The following PAX3 variants were observed in gnomAD, a reference collection of about 807,000 sequenced individuals.
PAX3 encodes paired box 3.
A neutral mutation model predicts 51.6 loss-of-function variants in PAX3; 14 were observed. The ratio of observed to expected loss-of-function variants is 0.27; its 90% confidence interval spans 0.18 to 0.42. The LOEUF (loss-of-function observed/expected upper bound fraction) is 0.42. Ranked by LOEUF, PAX3 falls within the 10% of genes least tolerant of loss-of-function variation. PAX3 has a pLI of 1.00. For synonymous variants in PAX3, 280 were observed against 253.4 expected (o/e 1.11, Z -1.00); for missense variants, 540 against 642.8 (o/e 0.84, Z 1.73).
At chr2:222,261,660 C>G (rs1217553683) in intron 4 of PAX3, among the ~76,000 whole-genome samples, 1 of 151,914 alleles carries the variant, frequency 6.6e-6, no homozygotes, top group Non-Finnish European at 1.5e-5. Context: ...TACTTCCCTT[C>G]CCAAGTTCCT....
At chr2:222,207,572 A>G (rs1691559424) in intron 7 of PAX3, among the ~76,000 whole-genome samples, 1 of 152,198 alleles carries the variant, frequency 6.6e-6, no homozygotes, top group Admixed American at 6.6e-5. Context: ...CATATGCAGC[A>G]TACATTTCCA....
chr2:222,212,622 AACACACACACAC>A lies in PAX3; in HGVS notation c.1173+7506_1173+7517del, dbSNP rs57019405. Among the ~76,000 whole-genome samples, 321 of 148,038 alleles carry A rather than the reference AACACACACACAC, an allele frequency of 2.2e-3. 3 individuals carry two copies. The highest frequency in any genetic ancestry group is 6.7e-3 in the African/African-American group (268 of 40,278). On this transcript the variant is annotated intron_variant, in intron 7 of 8. Coordinates refer to ENST00000392070, the MANE Select transcript of PAX3 (RefSeq NM_181458.4). The stretch of plus-strand genomic sequence containing the variant: ...CAGAGACAGATTCTTTGGAAAAACA[AACACACACACAC>A]ACACACACACACACACACACACGAA...
intron 4 of PAX3, among the ~76,000 whole-genome samples, chr2:222,245,722 C>A (rs560073074): frequency 6.6e-6 from 1 of 151,664 alleles, no homozygotes; most frequent in African/African-American, 2.4e-5. Flanking sequence ...GTAAACCCAG[C>A]ACTTTGGGAG....
chr2:222,257,728 CG>C (rs1268335083), intron 4 of PAX3, among the ~76,000 whole-genome samples: 5 of 152,172 alleles, frequency 3.3e-5, no homozygotes, highest in Admixed American at 6.5e-5. Flanking sequence ...GAGGGCCCTT[CG>C]CATCTGACAG....
chr2:222,225,626 A>G (rs1305339341), intron 5 of PAX3, among the ~76,000 whole-genome samples: 3 of 152,198 alleles, frequency 2.0e-5, no homozygotes, highest in African/African-American at 7.2e-5. Flanking sequence ...TACTTCTGTG[A>G]CCATGAACAA....
At chr2:222,232,649 C>T (rs1692641064) in intron 4 of PAX3, among the ~76,000 whole-genome samples, 1 of 152,114 alleles carries the variant, frequency 6.6e-6, no homozygotes, top group African/African-American at 2.4e-5. Context: ...AGGCCTTATT[C>T]CATTTGTATG....
intron 7 of PAX3, among the ~76,000 whole-genome samples, chr2:222,216,327 A>T (rs1163289127): frequency 6.6e-6 from 1 of 152,236 alleles, no homozygotes; most frequent in Non-Finnish European, 1.5e-5. Flanking sequence ...AAGCAAAATG[A>T]AAATATTCCC....
At chr2:222,224,167 T>C (rs1207889379) in intron 5 of PAX3, among the ~76,000 whole-genome samples, 2 of 151,978 alleles carry the variant, frequency 1.3e-5, no homozygotes, top group African/African-American at 4.8e-5. Context: ...TCACCAGGAG[T>C]TGGATTAAAA....
intron 4 of PAX3, among the ~76,000 whole-genome samples, chr2:222,275,470 C>A (rs1694386871): frequency 6.6e-6 from 1 of 151,230 alleles, no homozygotes; most frequent in Non-Finnish European, 1.5e-5. Context: ...TTTCAAAGTG[C>A]ATTTTACGTT....
chr2:222,282,062 A>T (rs1694667292), intron 4 of PAX3, among the ~76,000 whole-genome samples: 1 of 152,202 alleles, frequency 6.6e-6, no homozygotes, highest in South Asian at 2.1e-4. Flanking sequence ...ATTTTTTTAA[A>T]ACCAAATCAA....
intron 4 of PAX3, chr2:222,265,190 T>C (rs1693999530): frequency 6.6e-6 from 1 of 152,272 alleles, no homozygotes; most frequent in Non-Finnish European, 1.5e-5. Flanking sequence ...AGAGTAGGCA[T>C]TCAAGAGTGG....
chr2:222,203,033 ATATATATATATATATATATATATG>A (rs1691366888), intron 7 of PAX3, among the ~76,000 whole-genome samples: 1 of 111,906 alleles, frequency 8.9e-6, no homozygotes, highest in Non-Finnish European at 1.7e-5. Context: ...ATATATATAT[ATATATATATATATATATATATATG>A]AAGTGTTAAA....
chr2:222,294,049 C>T, intron 4 of PAX3, 118 bp downstream of exon 4: 6 of 1,569,288 alleles, frequency 3.8e-6, no homozygotes, highest in East Asian at 2.2e-5. Flanking sequence ...GCAGAGACAC[C>T]GCGCATGAAG....
At chr2:222,276,403 G>A (rs933177888) in intron 4 of PAX3, among the ~76,000 whole-genome samples, 14 of 152,170 alleles carry the variant, frequency 9.2e-5, no homozygotes, top group Admixed American at 2.6e-4. Flanking sequence ...TCAAAGACAA[G>A]GCAAGGTAGC....
intron 4 of PAX3, among the ~76,000 whole-genome samples, chr2:222,247,836 A>G (rs1405416084): frequency 2.0e-5 from 3 of 152,148 alleles, no homozygotes; most frequent in Admixed American, 6.6e-5. Context: ...TCTAACCATT[A>G]TATAATGCTG....
In PAX3 at chr2:222,277,694, G is replaced by T. The variant is rs185615601; in HGVS notation, c.586+16473C>A. 2.8e-3 allele frequency among the ~76,000 whole-genome samples: 427 copies of T among 152,244 alleles called. 1 individual carries two copies. The highest frequency in any genetic ancestry group is 4.5e-3 in the Non-Finnish European group (306 of 68,014). On this transcript the variant is annotated intron_variant, in intron 4 of 8. Transcript: ENST00000392070. ...CTCACACCTGTAACCCCAGCACTTT[G>T]GGAGGCTGAGGCAGGCGGATCACGA...
At chr2:222,202,247 C>G in intron 7 of PAX3, 57 bp from the exon 8 acceptor site, 1 of 1,260,056 alleles carries the variant, frequency 7.9e-7, no homozygotes, top group Non-Finnish European at 1.1e-6. Flanking sequence ...CAGATTGCAG[C>G]CTACAGCTGA....
intron 5 of PAX3, among the ~76,000 whole-genome samples, chr2:222,230,815 A>G (rs1468799377): frequency 7.0e-6 from 1 of 143,482 alleles, no homozygotes; most frequent in African/African-American, 2.6e-5. Flanking sequence ...AGGTTGTACC[A>G]CTGCACTCCA....
intron 4 of PAX3, among the ~76,000 whole-genome samples, chr2:222,260,565 G>GTTTTTTTTTTTGTTTTTTTTTTTTTTTT (rs1693810480): frequency 1.8e-5 from 1 of 55,846 alleles, no homozygotes; most frequent in Non-Finnish European, 3.6e-5. Context: ...TTTTTTTTTT[G>GTTTTTTTTTTTGTTTTTTTTTTTTTTTT]TTTTTTTTTT....
Sources: gnomAD v4.1 joint callset for allele counts (sites outside exome capture counted in the v4.1 genomes callset) on GRCh38, gnomAD v4.1.1 for gene constraint, MANE v1.5 for transcripts, NCBI Gene and HGNC (gene_info 2026-07-23, HGNC 2026-07-21) for gene names.